ANKMY1: variants seen among roughly 807,000 people sequenced by gnomAD.
ANKMY1 encodes ankyrin repeat and MYND domain-containing protein 1.
ANKMY1 carries 98 observed loss-of-function variants against 102.0 expected under a neutral mutation model. That is an observed-to-expected ratio of 0.96 (90% CI 0.82 to 1.14). The LOEUF is 1.14. ANKMY1 is among the 50% of genes most tolerant of loss of function. ANKMY1 has a pLI of 0.00. For synonymous variants in ANKMY1, 582 were observed against 559.9 expected (o/e 1.04, Z -0.56); for missense variants, 1,330 against 1,347.6 (o/e 0.99, Z 0.20).
At chr2:240,485,431 G>C (rs1449916481) in intron 15 of ANKMY1, among the ~76,000 whole-genome samples, 1 of 152,212 alleles carries the variant, frequency 6.6e-6, no homozygotes, top group Non-Finnish European at 1.5e-5. Context: ...ATGTAAATTA[G>C]TTCAACCATT....
chr2:240,549,226 C>A (rs1427518919), intron 4 of ANKMY1, among the ~76,000 whole-genome samples: 1,684 of 129,806 alleles, frequency 0.013, no homozygotes, highest in South Asian at 0.026. Flanking sequence ...CTACAACTAT[C>A]TGATCTTTGA....
intron 4 of ANKMY1, among the ~76,000 whole-genome samples, chr2:240,538,385 G>T (rs1244872439): frequency 1.3e-5 from 2 of 152,212 alleles, no homozygotes; most frequent in African/African-American, 4.8e-5. Flanking sequence ...CCACCAGCCG[G>T]TGCCACTTGC....
intron 4 of ANKMY1, among the ~76,000 whole-genome samples, chr2:240,535,880 G>A (rs1029706845): frequency 8.1e-6 from 1 of 124,002 alleles, no homozygotes; most frequent in African/African-American, 3.2e-5. Context: ...AACACAAATA[G>A]TAAAAGTGAC....
chr2:240,553,397 C>T (rs2091867666), intron 3 of ANKMY1: 2 of 277,012 alleles, frequency 7.2e-6, no homozygotes, highest in South Asian at 8.0e-5. Flanking sequence ...CCTGTCCCCA[C>T]TCAGGAGCCC....
upstream of ANKMY1, among the ~76,000 whole-genome samples, chr2:240,559,052 C>A (rs567507215): frequency 6.6e-6 from 1 of 152,284 alleles, no homozygotes; most frequent in East Asian, 1.9e-4. Flanking sequence ...CATGTAGAAA[C>A]CCTCTGTTCT....
At chr2:240,474,098 C>CT in the ANKMY1 span, among the ~76,000 whole-genome samples, 12 of 148,898 alleles carry the variant, frequency 8.1e-5, no homozygotes, top group Non-Finnish European at 1.5e-4. Flanking sequence ...ATAACATGAT[C>CT]TTTTTTTTTT....
chr2:240,470,469 C>A, the ANKMY1 span, among the ~76,000 whole-genome samples: 1 of 152,188 alleles, frequency 6.6e-6, no homozygotes, highest in Non-Finnish European at 1.5e-5. Flanking sequence ...CACAGCAGCC[C>A]CTCCCAGATG....
Position 240,529,631 on chromosome 2 carries a change from G to T in ANKMY1, c.481-122C>A, listed in dbSNP as rs994959171. ...CTTTCCCAAGAAATGCATGCATTCA[G>T]CCAGTAAACATCTCTGGAGGCTTAG... On this transcript the variant is annotated intron_variant, in intron 4 of 17. Coordinates refer to ENST00000401804, the MANE Select transcript of ANKMY1 (RefSeq NM_001282771.3). The surrounding 1 kb of genome is among the most constrained non-coding windows in gnomAD (Gnocchi z 4.2). 2.1e-6 allele frequency: 2 copies of T among 942,866 alleles called. No individual in the cohort carries two copies. Among genetic ancestry groups the T allele is most frequent in the African/African-American group, 1.7e-5 (1 of 60,250 alleles). 58.4% of individuals were successfully genotyped at this position (942,866 alleles called of 1,614,324 possible).
intron 4 of ANKMY1, among the ~76,000 whole-genome samples, chr2:240,549,038 A>T (rs2091000817): frequency 6.6e-6 from 1 of 151,798 alleles, no homozygotes; most frequent in African/African-American, 2.4e-5. Flanking sequence ...TGGAATCAAA[A>T]AAGAGCCCGC....
chr2:240,497,614 C>G (rs2077436378), intron 15 of ANKMY1, among the ~76,000 whole-genome samples: 1 of 152,212 alleles, frequency 6.6e-6, no homozygotes, highest in African/African-American at 2.4e-5. Flanking sequence ...TCCTGTCTCT[C>G]TTTTCTTAGT....
chr2:240,527,792 C>T (rs371542198), intron 5 of ANKMY1: 1 of 5,248 alleles, frequency 1.9e-4, no homozygotes. Flanking sequence ...TGAACAGATG[C>T]CTGAAAGAAT....
chr2:240,519,554 G>C (rs535115436), intron 9 of ANKMY1, among the ~76,000 whole-genome samples: 2 of 152,118 alleles, frequency 1.3e-5, no homozygotes, highest in East Asian at 3.9e-4. Flanking sequence ...CATGGGCAGC[G>C]ACCGATTCCA....
intron 9 of ANKMY1, among the ~76,000 whole-genome samples, chr2:240,514,715 A>AT (rs957579215): frequency 2.6e-4 from 39 of 152,242 alleles, no homozygotes; most frequent in Admixed American, 6.5e-4. Flanking sequence ...AAGAGCAAAG[A>AT]AACCCCTGGA....
rs764510766 is a variant in ANKMY1 at position 240,512,852 on chromosome 2, C to T, written c.2095G>A (p.Asp699Asn). 12 of 1,614,082 alleles carry T rather than the reference C, an allele frequency of 7.4e-6. No homozygotes were observed. Among genetic ancestry groups the T allele is most frequent in the South Asian group, 6.6e-5 (6 of 91,068 alleles). ...TCGTCGGATGCCTTGGCGTCCACAT[C>T]GGTGATGGCATGCAACAGCAGCTCC... ...IVELLLHAIT[D>N]VDAKASDEDD... The change falls in exon 10 of 18, where the codon GAT becomes AAT. Residue 699 changes from aspartate to asparagine, a missense_variant. Physicochemically the swap from Asp to Asn is conservative, Grantham distance 23. Transcript: ENST00000401804.
chr2:240,499,699 G>GC lies in ANKMY1; in HGVS notation c.2806+258dup, dbSNP rs372481579. Reference sequence around the variant, plus strand: ...TGCCTAGTTCTCTCCTGGGCGTGGGGCCCCTCTGACCTGGGCCCTGGCCCT... The same window carrying GC: ...TGCCTAGTTCTCTCCTGGGCGTGGGGCCCCCTCTGACCTGGGCCCTGGCCCT... On this transcript the variant is annotated intron_variant, in intron 15 of 17. Coordinates refer to ENST00000401804, the MANE Select transcript of ANKMY1 (RefSeq NM_001282771.3). The surrounding 1 kb of genome is among the most constrained non-coding windows in gnomAD (Gnocchi z 4.2). Among the ~76,000 whole-genome samples the GC allele has an allele frequency of 5.5e-4, 84 of 152,146 alleles. 2 individuals carry two copies. The highest frequency in any genetic ancestry group is 2.0e-3 in the African/African-American group (82 of 41,504).
In ANKMY1 at chr2:240,481,228, A is replaced by C. The variant is rs867633817; in HGVS notation, c.2886-131T>G. The C allele has an allele frequency of 1.8e-5, 21 of 1,163,568 alleles. No individual in the cohort carries two copies. The East Asian group carries it at 5.2e-4, about 29-fold the overall frequency. 72.1% of individuals were successfully genotyped at this position (1,163,568 alleles called of 1,614,324 possible). ...CCCACCGTCCCGCACTGTCCCCTGC[A>C]TTGGGCAGCCTTCACACACAGACAA... On this transcript the variant is annotated intron_variant, in intron 16 of 17. Transcript: ENST00000401804.
At chr2:240,560,644 T>C (rs762995646), upstream of ANKMY1, 14 of 1,457,826 alleles carry the variant, frequency 9.6e-6, no homozygotes, top group Middle Eastern at 6.1e-4. Flanking sequence ...GCCCCCAAAA[T>C]AGATCCTCAG....
chr2:240,544,632 C>T (rs1006832719), intron 4 of ANKMY1, among the ~76,000 whole-genome samples: 6 of 152,128 alleles, frequency 3.9e-5, no homozygotes, highest in African/African-American at 9.7e-5. Context: ...AGACAGTGGG[C>T]GCAGGTCAGT....
At chr2:240,514,455 G>A (rs2080827750) in intron 9 of ANKMY1, among the ~76,000 whole-genome samples, 1 of 152,178 alleles carries the variant, frequency 6.6e-6, no homozygotes, top group Non-Finnish European at 1.5e-5. Flanking sequence ...TTCTCATTAA[G>A]TCCCACGAGT....
Sources: gnomAD v4.1 joint callset for allele counts (sites outside exome capture counted in the v4.1 genomes callset) on GRCh38, gnomAD v4.1.1 for gene constraint, Gnocchi (gnomAD v3.1) non-coding constraint, MANE v1.5 for transcripts, NCBI Gene and HGNC (gene_info 2026-07-23, HGNC 2026-07-21) for gene names.